The following CRISPLD2 variants were observed in gnomAD, a reference collection of about 807,000 sequenced individuals.
CRISPLD2 encodes cysteine-rich secretory protein LCCL domain-containing 2.
CRISPLD2 carries 47 observed loss-of-function variants against 71.1 expected under a neutral mutation model. The observed-to-expected ratio is 0.66, with a 90% confidence interval of 0.52 to 0.84. The LOEUF is 0.84. CRISPLD2 is among the 40% of genes least tolerant of loss of function. The pLI is 0.00. For missense variants in CRISPLD2, 830 were observed against 651.1 expected, an observed-to-expected ratio of 1.27 and a Z score of -2.99; for synonymous variants, 317 against 250.1, an observed-to-expected ratio of 1.27 and a Z score of -2.52.
chr16:84,827,180 C>T (rs895351346), intron 1 of CRISPLD2, among the ~76,000 whole-genome samples: 1 of 148,938 alleles, frequency 6.7e-6, no homozygotes, highest in Non-Finnish European at 1.5e-5. Context: ...AGGGCACAGG[C>T]TGGGTTTGCC....
chr16:84,889,573 A>G (rs573617437), intron 14 of CRISPLD2, among the ~76,000 whole-genome samples: 16 of 131,108 alleles, frequency 1.2e-4, no homozygotes, highest in Admixed American at 7.2e-4. Context: ...CTACTATCAC[A>G]TTTGGGATTA....
At chr16:84,880,476 A>C in intron 12 of CRISPLD2, 33 bp from the exon 13 acceptor site, 9 of 1,587,864 alleles carry the variant, frequency 5.7e-6, no homozygotes, top group East Asian at 2.2e-5. Flanking sequence ...TTCTGTGCTC[A>C]GACCCATCAC....
intron 9 of CRISPLD2, 78 bp from the exon 10 acceptor site, chr16:84,872,914 A>T: frequency 6.5e-7 from 1 of 1,527,216 alleles, no homozygotes; most frequent in Non-Finnish European, 8.8e-7. Flanking sequence ...GTTGAGGACA[A>T]ATGTTTGGGT....
intron 8 of CRISPLD2, among the ~76,000 whole-genome samples, 167 bp downstream of exon 8, chr16:84,869,078 T>C (rs1177828485): frequency 1.3e-5 from 2 of 152,214 alleles, no homozygotes; most frequent in African/African-American, 4.8e-5. Context: ...TCTGGGCATG[T>C]GTTCGCCTCG....
chr16:84,827,967 C>G, intron 1 of CRISPLD2, among the ~76,000 whole-genome samples: 1 of 152,158 alleles, frequency 6.6e-6, no homozygotes, highest in East Asian at 1.9e-4. Flanking sequence ...TCCGTGTGTC[C>G]GGGATGTCCT....
At chr16:84,891,897 T>A (rs1371077995) in intron 14 of CRISPLD2, among the ~76,000 whole-genome samples, 1 of 152,232 alleles carries the variant, frequency 6.6e-6, no homozygotes, top group Non-Finnish European at 1.5e-5. Flanking sequence ...TCGCTGTCTT[T>A]GTAGGTGTCT....
chr16:84,849,588 G>GATT (rs990657480), intron 4 of CRISPLD2, 71 bp downstream of exon 4: 4 of 1,280,650 alleles, frequency 3.1e-6, no homozygotes, highest in East Asian at 5.2e-5. Flanking sequence ...GCCCCTGGGG[G>GATT]ATTGTCAAAT....
intron 6 of CRISPLD2, among the ~76,000 whole-genome samples, chr16:84,860,416 G>A (rs571124380): frequency 4.6e-5 from 7 of 152,180 alleles, no homozygotes; most frequent in South Asian, 2.1e-4. Flanking sequence ...GTCACACTCC[G>A]AACCTCACCT....
chr16:84,847,563 A>C (rs1346887386), intron 3 of CRISPLD2, among the ~76,000 whole-genome samples: 1 of 151,996 alleles, frequency 6.6e-6, no homozygotes, highest in Non-Finnish European at 1.5e-5. Flanking sequence ...AGGCAGGAGA[A>C]TCGCTTGAAC....
intron 3 of CRISPLD2, 128 bp from the exon 4 acceptor site, chr16:84,849,254 GGCT>G: frequency 4.5e-6 from 4 of 885,616 alleles, no homozygotes; most frequent in Non-Finnish European, 3.4e-6. Context: ...GGCTGCCCGT[GGCT>G]GCTCCTGGAA....
At chr16:84,847,400 C>T (rs910317026) in intron 3 of CRISPLD2, among the ~76,000 whole-genome samples, 1 of 152,102 alleles carries the variant, frequency 6.6e-6, no homozygotes, top group Non-Finnish European at 1.5e-5. Context: ...GCCTGTAATC[C>T]CAGCACTTTG....
chr16:84,841,265 G>A (rs371495978), intron 2 of CRISPLD2, among the ~76,000 whole-genome samples: 19 of 152,350 alleles, frequency 1.2e-4, no homozygotes, highest in African/African-American at 4.6e-4. Flanking sequence ...GAGCAAGCAA[G>A]CGTGCAGGGA....
chr16:84,889,804 CA>C (rs887491540), intron 14 of CRISPLD2, among the ~76,000 whole-genome samples: 49 of 149,774 alleles, frequency 3.3e-4, no homozygotes, highest in African/African-American at 1.2e-3. Context: ...TTTTTTCCCA[CA>C]AAAAAATGGG....
At chr16:84,873,732 G>C (rs2071494735) in intron 10 of CRISPLD2, among the ~76,000 whole-genome samples, 188 bp from the exon 11 acceptor site, 1 of 151,954 alleles carries the variant, frequency 6.6e-6, no homozygotes, top group Non-Finnish European at 1.5e-5. Context: ...AAGAGTCCTT[G>C]GTACAAAAAA....
In CRISPLD2 at chr16:84,906,620, G is replaced by A. The variant is rs147087796; in HGVS notation, c.1472G>A (p.Arg491Gln). ...LGTPRDGKAFRIFAVRQ is the reference protein window; with the variant it reads ...LGTPRDGKAFQIFAVRQ ...ACTCCTCGGGATGGAAAGGCCTTCC[G>A]GATCTTTGCTGTCAGGCAGTGAATT... Residue 491 changes from arginine (R) to glutamine (Q), a missense_variant, in exon 15 of 15, where the codon CGG (arginine) becomes CAG (glutamine). Physicochemically the swap from Arg to Gln is conservative, Grantham distance 43. Transcript: ENST00000262424. 6.3e-5 allele frequency: 101 copies of A among 1,613,820 alleles called. No homozygotes were observed. Among genetic ancestry groups the A allele is most frequent in the Middle Eastern group, 1.7e-4 (1 of 5,800 alleles).
intron 6 of CRISPLD2, among the ~76,000 whole-genome samples, chr16:84,858,179 C>T (rs1412868566): frequency 6.6e-6 from 1 of 152,220 alleles, no homozygotes; most frequent in Non-Finnish European, 1.5e-5. Flanking sequence ...GCCACTGACA[C>T]CTCAAGCACC....
chr16:84,839,117 G>C (rs1413082442), intron 2 of CRISPLD2: 1 of 368,808 alleles, frequency 2.7e-6, no homozygotes, highest in African/African-American at 2.1e-5. Context: ...GAACTCCTAG[G>C]CTCAAGCAAT....
At chr16:84,868,794 G>T (rs965770604) in intron 7 of CRISPLD2, 57 bp from the exon 8 acceptor site, 7 of 1,384,820 alleles carry the variant, frequency 5.1e-6, no homozygotes, top group Non-Finnish European at 7.2e-6. Context: ...ATGGGGAAGG[G>T]TCTTCTCACC....
chr16:84,897,241 C>A (rs2071714116), intron 14 of CRISPLD2, among the ~76,000 whole-genome samples: 2 of 147,546 alleles, frequency 1.4e-5, no homozygotes, highest in African/African-American at 5.0e-5. Flanking sequence ...GCCAGGAGTT[C>A]AAGACCAGCT....
Sources: allele counts gnomAD v4.1 joint callset (sites outside exome capture counted in the v4.1 genomes callset), GRCh38; gene constraint gnomAD v4.1.1; transcripts MANE v1.5; gene names NCBI Gene and HGNC (gene_info 2026-07-23, HGNC 2026-07-21).